ZNF250: variants seen among roughly 807,000 people sequenced by gnomAD.
ZNF250 encodes zinc finger protein (clone 647).
In ZNF250, 13 loss-of-function variants were observed where a neutral mutation model predicts 37.1. The observed-to-expected ratio is 0.35, with a 90% CI of 0.23 to 0.56. The LOEUF (loss-of-function observed/expected upper bound fraction) is 0.56, where lower values mean the gene tolerates loss of function less well. Ranked by LOEUF, ZNF250 falls within the 20% of genes least tolerant of loss-of-function variation. The probability of loss-of-function intolerance (pLI) is 0.87; values close to 1 mark genes in which losing one functional copy is unlikely to be tolerated. For synonymous variants in ZNF250, 251 were observed against 265.6 expected, an observed-to-expected ratio of 0.94 and a Z score of 0.54; for missense variants, 474 against 697.9, an observed-to-expected ratio of 0.68 and a Z score of 3.61.
At chr8:144,884,062 A>G (rs1436428934) in intron 5 of ZNF250, among the ~76,000 whole-genome samples, 3 of 151,352 alleles carry the variant, frequency 2.0e-5, no homozygotes, top group Admixed American at 6.6e-5. Context: ...ATTATATTTT[A>G]TTTTACTTAG....
rs1233196836 is a variant in ZNF250, at chr8:144,887,875, A to AG, written c.284-974dup. On this transcript the variant is annotated intron_variant, in intron 4 of 5. Transcript: ENST00000417550. Reference sequence around the variant, plus strand: ...TTCCTCTGAGGATATCTGATTTTGCAGGCCAGTAAGAGGTAGACTGTAATA... The same window carrying AG: ...TTCCTCTGAGGATATCTGATTTTGCAGGGCCAGTAAGAGGTAGACTGTAATA... Among the ~76,000 whole-genome samples the AG allele has an allele frequency of 7.9e-5, 12 of 152,360 alleles. No homozygotes were observed. In the South Asian group the frequency reaches 2.3e-3, roughly 29 times the overall value.
chr8:144,900,889 C>A (rs1023685202), intron 1 of ZNF250, among the ~76,000 whole-genome samples: 9 of 152,250 alleles, frequency 5.9e-5, no homozygotes, highest in Admixed American at 2.6e-4. Context: ...AAGCTCCCCA[C>A]CCCTTTCCGG....
intron 1 of ZNF250, among the ~76,000 whole-genome samples, chr8:144,895,776 G>A (rs1364801614): frequency 2.0e-5 from 3 of 151,388 alleles, no homozygotes; most frequent in Admixed American, 6.6e-5. Context: ...TTGGGAGGCC[G>A]AGGCGGGCGG....
chr8:144,888,613 A>AG (rs1423735914), intron 4 of ZNF250, among the ~76,000 whole-genome samples: 1 of 151,932 alleles, frequency 6.6e-6, no homozygotes, highest in Non-Finnish European at 1.5e-5. Context: ...AAAAAAAAAA[A>AG]AAAAAAATTG....
Position 144,881,837 on chromosome 8 carries a change from C to G in ZNF250, c.1346G>C (p.Gly449Ala). 1 of 1,614,154 alleles carries G rather than the reference C, an allele frequency of 6.2e-7. No homozygotes were observed. Among genetic ancestry groups the G allele is most frequent in the Non-Finnish European group, 8.5e-7 (1 of 1,180,022 alleles). Reference protein sequence around the residue: ...VHTGEKPYVCGECGHAFSARR... With the variant: ...VHTGEKPYVCAECGHAFSARR... ...TGCACTGAAGGCGTGCCCACATTCA[C>G]CACACACATAGGGCTTCTCCCCAGT... The change falls in exon 6 of 6, where the codon GGT becomes GCT. Residue 449 changes from glycine to alanine, a missense_variant. Gly to Ala is a moderately conservative substitution (Grantham distance 60). Coordinates refer to ENST00000417550, the MANE Select transcript of ZNF250 (RefSeq NM_001109689.4).
intron 1 of ZNF250, among the ~76,000 whole-genome samples, chr8:144,894,396 C>T (rs1832566967): frequency 6.6e-6 from 1 of 152,072 alleles, no homozygotes; most frequent in Non-Finnish European, 1.5e-5. Flanking sequence ...CTCCTATGGG[C>T]ATGCCCCAAA....
Position 144,881,412 on chromosome 8 carries a change from G to A in ZNF250, c.*103C>T. ...TATTTTGTGACACTGAATCGCCAAA[G>A]AAAAGCTTCCTATAGAGTTAACAGA... On this transcript the variant is annotated 3_prime_UTR_variant, in exon 6 of 6. Transcript: ENST00000417550. 6.9e-7 allele frequency: 1 copy of A among 1,441,328 alleles called. No individual in the cohort carries two copies. Among genetic ancestry groups the A allele is most frequent in the Non-Finnish European group, 9.1e-7 (1 of 1,093,558 alleles). The allele number at this position is 1,441,328 out of a possible 1,614,324, so 89.3% of individuals were successfully genotyped here.
intron 1 of ZNF250, among the ~76,000 whole-genome samples, chr8:144,892,091 C>T (rs545470134): frequency 1.6e-4 from 25 of 152,358 alleles, no homozygotes; most frequent in African/African-American, 6.0e-4. Context: ...AACTGCCTGC[C>T]TCTGAAGAAC....
At chr8:144,893,106 AC>A (rs1832466180) in intron 1 of ZNF250, among the ~76,000 whole-genome samples, 1 of 130,976 alleles carries the variant, frequency 7.6e-6, no homozygotes, top group African/African-American at 2.9e-5. Context: ...CAGGTGATCC[AC>A]CCGCCTTGGC....
At chr8:144,894,972 T>A (rs1563899419) in intron 1 of ZNF250, among the ~76,000 whole-genome samples, 1 of 152,182 alleles carries the variant, frequency 6.6e-6, no homozygotes. Context: ...GCCTGTTTGT[T>A]GAATAAATGA....
chr8:144,890,149 G>A lies in ZNF250; in HGVS notation c.43-90C>T. ...ATGTGACATGTGACATGAGCAGTTGGCAGTGGGGGGCTCTGTGAGCTGAGG... is the reference window on the plus strand; with the variant it reads ...ATGTGACATGTGACATGAGCAGTTGACAGTGGGGGGCTCTGTGAGCTGAGG... On this transcript the variant is annotated intron_variant, in intron 2 of 5. Transcript: ENST00000417550. This position sits in a 1 kb window ranked among gnomAD's most constrained non-coding sequence, Gnocchi z 5.1. 1.3e-6 allele frequency: 2 copies of A among 1,555,850 alleles called. No homozygotes were observed. Among genetic ancestry groups the A allele is most frequent in the Non-Finnish European group, 1.7e-6 (2 of 1,146,292 alleles).
chr8:144,894,299 C>T (rs1333556931), intron 1 of ZNF250, among the ~76,000 whole-genome samples: 2 of 152,102 alleles, frequency 1.3e-5, no homozygotes, highest in South Asian at 2.1e-4. Flanking sequence ...CTCCCAGCAC[C>T]GTCTGTCTGC....
chr8:144,888,595 CAAAAAAA>C (rs36073563), intron 4 of ZNF250, among the ~76,000 whole-genome samples: 14 of 54,668 alleles, frequency 2.6e-4, no homozygotes, highest in Non-Finnish European at 5.5e-4. Context: ...AAGACTGTCT[CAAAAAAA>C]AAAAAAAAAA....
chr8:144,881,420 T>G lies in ZNF250; in HGVS notation c.*95A>C. 1 of 1,455,688 alleles carries G rather than the reference T, an allele frequency of 6.9e-7. No individual in the cohort carries two copies. Among genetic ancestry groups the G allele is most frequent in the Admixed American group, 2.8e-5 (1 of 35,900 alleles). 90.2% of individuals were successfully genotyped at this position (1,455,688 alleles called of 1,614,324 possible). On this transcript the variant is annotated 3_prime_UTR_variant, in exon 6 of 6. Coordinates refer to ENST00000417550, the MANE Select transcript of ZNF250 (RefSeq NM_001109689.4). ...GACACTGAATCGCCAAAGAAAAGCT[T>G]CCTATAGAGTTAACAGAGACTTCTC...
chr8:144,901,006 C>A lies in ZNF250; in HGVS notation c.-55+393G>T, dbSNP rs1833063522. On this transcript the variant is annotated intron_variant, in intron 1 of 5. Transcript: ENST00000417550. The surrounding 1 kb of genome is among the most constrained non-coding windows in gnomAD (Gnocchi z 5.4). ...GGCCATCCTGGCCCTAGGCACGGCG[C>A]CCGGTAGAAAGCGCGCGGGAGGGCA... Among the ~76,000 whole-genome samples, 2 of 152,180 alleles carry A rather than the reference C, an allele frequency of 1.3e-5. No homozygotes were observed. Among genetic ancestry groups the A allele is most frequent in the Non-Finnish European group, 2.9e-5 (2 of 68,016 alleles).
intron 1 of ZNF250, among the ~76,000 whole-genome samples, chr8:144,892,612 C>CGG (rs1213212541): frequency 6.6e-6 from 1 of 151,568 alleles, no homozygotes; most frequent in African/African-American, 2.4e-5. Context: ...TGGAATGCAA[C>CGG]GGCGAGATCT....
At position 144,880,340 on chromosome 8, in the gene ZNF250, C is replaced by T; in HGVS notation, c.*1175G>A. ...TTTCAGCATTGTTTTGGGGGAAATA[C>T]CATAAGATGTAAAGAGGTACCCACT... is the stretch of plus-strand genomic sequence containing the variant. On this transcript the variant is annotated 3_prime_UTR_variant, in exon 6 of 6. Coordinates refer to ENST00000417550, the MANE Select transcript of ZNF250 (RefSeq NM_001109689.4). 1 of 429,476 alleles carries T rather than the reference C, an allele frequency of 2.3e-6. No homozygotes were observed. The highest frequency in any genetic ancestry group is 7.2e-5 in the East Asian group (1 of 13,892). 26.6% of individuals were successfully genotyped at this position (429,476 alleles called of 1,614,324 possible). A position where few individuals can be genotyped will look rare whatever the true frequency, so the allele number is the denominator to read the frequency against.
In ZNF250 at chr8:144,898,322, C is replaced by CAAACA. The variant is rs139656437; in HGVS notation, c.-55+3072_-55+3076dup. ...AAAAGAAAAAAAGCAAATAAACAAA[C>CAAACA]AAACAAAACAAAACAAAACAAAACA... On this transcript the variant is annotated intron_variant, in intron 1 of 5. Transcript: ENST00000417550. Among the ~76,000 whole-genome samples, 741 of 151,678 alleles carry CAAACA rather than the reference C, an allele frequency of 4.9e-3. 1 individual carries two copies. Among genetic ancestry groups the CAAACA allele is most frequent in the African/African-American group, 0.013 (541 of 41,288 alleles).
At position 144,877,526 on chromosome 8, in the gene ZNF250, T is replaced by C. The variant is rs981061281; in HGVS notation, c.*3989A>G. ...TTCAGGGCCCTGGCCTTTGATGTTA[T>C]ATCCCAAAAAGGTAGATAGCCCACA... On this transcript the variant is annotated 3_prime_UTR_variant, in exon 6 of 6. Coordinates refer to ENST00000417550, the MANE Select transcript of ZNF250 (RefSeq NM_001109689.4). 1 of 152,252 alleles carries C rather than the reference T, an allele frequency of 6.6e-6. No individual in the cohort carries two copies. Among genetic ancestry groups the C allele is most frequent in the Non-Finnish European group, 1.5e-5 (1 of 68,036 alleles). The allele number at this position is 152,252 out of a possible 1,614,324, so 9.4% of individuals were successfully genotyped here. A position where few individuals can be genotyped will look rare whatever the true frequency, so the allele number is the denominator to read the frequency against.
Sources: gnomAD v4.1 joint callset for allele counts (sites outside exome capture counted in the v4.1 genomes callset) on GRCh38, gnomAD v4.1.1 for gene constraint, Gnocchi (gnomAD v3.1) non-coding constraint, MANE v1.5 for transcripts, NCBI Gene and HGNC (gene_info 2026-07-23, HGNC 2026-07-21) for gene names.